The following FGGY variants were observed in gnomAD, a reference collection of about 807,000 sequenced individuals.
FGGY encodes FGGY carbohydrate kinase domain containing.
In FGGY, 72 loss-of-function variants were observed where a neutral mutation model predicts 71.3. The ratio of observed to expected loss-of-function variants is 1.01; its 90% CI spans 0.84 to 1.23. The LOEUF (loss-of-function observed/expected upper bound fraction) is 1.23. Among genes scored for constraint, FGGY ranks in the 50% most tolerant of loss-of-function variants. FGGY has a pLI of 0.00. For synonymous variants in FGGY, 251 were observed against 250.3 expected (o/e 1.00, Z -0.02); for missense variants, 668 against 682.3 (o/e 0.98, Z 0.23).
At chr1:59,653,207 T>C (rs2097182747) in intron 11 of FGGY, among the ~76,000 whole-genome samples, 1 of 152,224 alleles carries the variant, frequency 6.6e-6, no homozygotes. Flanking sequence ...TGTCTTTTTG[T>C]TTGTCTGTGC....
At position 59,641,246 on chromosome 1, in the gene FGGY, T is replaced by G. The variant is rs758741087; in HGVS notation, c.1221+2871T>G. On this transcript the variant is annotated intron_variant, in intron 11 of 15. Coordinates refer to ENST00000303721, the MANE Select transcript of FGGY (RefSeq NM_018291.5). ...GATTGCCTTTAGCATTTTATCTTAATAATAAAAAAAGAAAATTTTCTCGGA... is the reference window on the plus strand; with the variant it reads ...GATTGCCTTTAGCATTTTATCTTAAGAATAAAAAAAGAAAATTTTCTCGGA... The G allele has an allele frequency of 4.5e-6, 7 of 1,568,196 alleles. No individual in the cohort carries two copies. The Admixed American group carries it at 1.0e-4, about 23-fold the overall frequency.
chr1:59,443,943 A>G (rs999942145), intron 5 of FGGY, among the ~76,000 whole-genome samples: 1 of 152,202 alleles, frequency 6.6e-6, no homozygotes, highest in African/African-American at 2.4e-5. Context: ...GAGTGGTCCA[A>G]TAATGAGTCT....
rs143519727 is a variant in FGGY at position 59,655,669 on chromosome 1, A to G, written c.1222-4550A>G. On this transcript the variant is annotated intron_variant, in intron 11 of 15. Transcript: ENST00000303721. The stretch of plus-strand genomic sequence containing the variant: ...TATGTGCCACATTAAGAAAATGAAC[A>G]TTTAAATGCCACCTCTTTGCACAGT... Among the ~76,000 whole-genome samples, 606 of 152,288 alleles carry G rather than the reference A, an allele frequency of 4.0e-3. 4 individuals carry two copies. Among genetic ancestry groups the G allele is most frequent in the African/African-American group, 0.014 (589 of 41,556 alleles).
At chr1:59,390,285 A>G (rs547086457) in intron 5 of FGGY, among the ~76,000 whole-genome samples, 1 of 152,218 alleles carries the variant, frequency 6.6e-6, no homozygotes, top group Non-Finnish European at 1.5e-5. Flanking sequence ...ACTTAAACAC[A>G]TAAGGGCTCA....
intron 4 of FGGY, among the ~76,000 whole-genome samples, chr1:59,365,280 T>C (rs901714008): frequency 6.6e-6 from 1 of 152,116 alleles, no homozygotes; most frequent in Admixed American, 6.6e-5. Context: ...AAGGAGCCCA[T>C]GAAGGAGACA....
chr1:59,757,915 GT>G lies in FGGY; in HGVS notation c.1513-12del. 2 of 1,606,852 alleles carry G rather than the reference GT, an allele frequency of 1.2e-6. No individual in the cohort carries two copies. Among genetic ancestry groups the G allele is most frequent in the Non-Finnish European group, 8.5e-7 (1 of 1,174,264 alleles). On this transcript the variant is annotated splice_polypyrimidine_tract_variant and intron_variant, in intron 14 of 15. Transcript: ENST00000303721. The stretch of plus-strand genomic sequence containing the variant: ...GCTTTCCAACTCAGCTGTCTATGTT[GT>G]TTTCCATTTAATAGGAAGCAATGGC...
chr1:59,642,092 G>C lies in FGGY; in HGVS notation c.1221+3717G>C, dbSNP rs572759719. Among the ~76,000 whole-genome samples, 6 of 152,228 alleles carry C rather than the reference G, an allele frequency of 3.9e-5. No individual in the cohort carries two copies. In the South Asian group the frequency reaches 1.2e-3, roughly 32 times the overall value. On this transcript the variant is annotated intron_variant, in intron 11 of 15. Transcript: ENST00000303721. Reference sequence around the variant, plus strand: ...GCAGGAAGTGTGAATTAGGAGGAAGGGTGATGGCTTGCATTCTAAGCATCT... The same window carrying C: ...GCAGGAAGTGTGAATTAGGAGGAAGCGTGATGGCTTGCATTCTAAGCATCT...
chr1:59,452,080 CTT>C (rs72244659), intron 5 of FGGY, among the ~76,000 whole-genome samples: 7,071 of 142,350 alleles, frequency 0.05, 540 homozygotes, highest in African/African-American at 0.17. Context: ...TTGTTCTTTT[CTT>C]TTTTTTTTTT....
At chr1:59,461,980 C>T (rs1251478361) in intron 6 of FGGY, among the ~76,000 whole-genome samples, 2 of 151,684 alleles carry the variant, frequency 1.3e-5, no homozygotes, top group Admixed American at 6.6e-5. Context: ...TCCCTCCTCC[C>T]CCCACCCCAC....
chr1:59,536,914 G>A (rs1270032674), intron 7 of FGGY, among the ~76,000 whole-genome samples: 1 of 151,928 alleles, frequency 6.6e-6, no homozygotes, highest in Admixed American at 6.6e-5. Flanking sequence ...AAAACTGGAA[G>A]CATTCCCTTT....
intron 6 of FGGY, among the ~76,000 whole-genome samples, chr1:59,466,178 C>G (rs1185951540): frequency 6.6e-6 from 1 of 152,100 alleles, no homozygotes; most frequent in East Asian, 1.9e-4. Flanking sequence ...TGGAACAGAA[C>G]AGAGCCCTCA....
intron 10 of FGGY, among the ~76,000 whole-genome samples, chr1:59,629,638 A>G (rs955559447): frequency 6.6e-6 from 1 of 152,170 alleles, no homozygotes; most frequent in Non-Finnish European, 1.5e-5. Flanking sequence ...TTCTGCATGT[A>G]TTTCTGTGAA....
intron 2 of FGGY, among the ~76,000 whole-genome samples, chr1:59,330,835 A>G (rs994404093): frequency 1.3e-5 from 2 of 152,168 alleles, no homozygotes; most frequent in African/African-American, 4.8e-5. Flanking sequence ...GCTCAGACCA[A>G]TGGGGAGCTC....
chr1:59,568,468 G>GGA (rs1553299425), intron 8 of FGGY, among the ~76,000 whole-genome samples: 1 of 133,064 alleles, frequency 7.5e-6, no homozygotes, highest in Non-Finnish European at 1.6e-5. Flanking sequence ...GGGGGGCGGG[G>GGA]GGGGGTGTTC....
At chr1:59,607,771 T>A in intron 8 of FGGY, 32 bp from the exon 9 acceptor site, 1 of 1,554,566 alleles carries the variant, frequency 6.4e-7, no homozygotes, top group Non-Finnish European at 8.9e-7. Flanking sequence ...TGAGAGTCAA[T>A]GTTTTCACAT....
At chr1:59,681,631 A>G (rs1191749145) in intron 14 of FGGY, among the ~76,000 whole-genome samples, 3 of 152,234 alleles carry the variant, frequency 2.0e-5, no homozygotes, top group Non-Finnish European at 4.4e-5. Flanking sequence ...TTGTTGGAAT[A>G]AACTAGAAAT....
At chr1:59,340,465 A>G (rs1038551045) in intron 3 of FGGY, among the ~76,000 whole-genome samples, 1 of 152,208 alleles carries the variant, frequency 6.6e-6, no homozygotes, top group Non-Finnish European at 1.5e-5. Flanking sequence ...TGGATGAGCC[A>G]AGTCCTTTGA....
intron 6 of FGGY, among the ~76,000 whole-genome samples, chr1:59,473,314 T>C (rs951742581): frequency 7.3e-5 from 11 of 151,524 alleles, no homozygotes; most frequent in Non-Finnish European, 1.0e-4. Context: ...GTCCGCAGCT[T>C]CACTCCTGAG....
rs1164848454 is a variant in FGGY at position 59,581,589 on chromosome 1, A to G, written c.904-26214A>G. 4.0e-4 allele frequency among the ~76,000 whole-genome samples: 60 copies of G among 150,200 alleles called. 3 individuals carry two copies. On this transcript the variant is annotated intron_variant, in intron 8 of 15. Transcript: ENST00000303721. ...TCTCCATACCCAAAGACTAGCATATAATAGACATACAGTAAAAATGGAAAG... is the reference window on the plus strand; with the variant it reads ...TCTCCATACCCAAAGACTAGCATATGATAGACATACAGTAAAAATGGAAAG...
Sources: allele counts gnomAD v4.1 joint callset (sites outside exome capture counted in the v4.1 genomes callset), GRCh38; gene constraint gnomAD v4.1.1; transcripts MANE v1.5; gene names NCBI Gene and HGNC (gene_info 2026-07-23, HGNC 2026-07-21).